Variants in GTF2I observed in about 807,000 individuals in gnomAD.
GTF2I encodes the protein general transcription factor II-I.
In GTF2I, 12 loss-of-function variants were observed where a neutral mutation model predicts 67.6. The ratio of observed to expected loss-of-function variants is 0.18; its 90% CI spans 0.11 to 0.29. The LOEUF (loss-of-function observed/expected upper bound fraction) is 0.29, where lower values mean the gene tolerates loss of function less well. Ranked by LOEUF, GTF2I falls within the 10% of genes least tolerant of loss-of-function variation. GTF2I has a pLI of 1.00. For missense variants in GTF2I, 271 were observed against 580.1 expected (o/e 0.47, Z 5.47); for synonymous variants, 149 against 197.0 (o/e 0.76, Z 2.04).
chr7:74,673,140 C>G (rs931646546), intron 1 of GTF2I, among the ~76,000 whole-genome samples: 2 of 151,916 alleles, frequency 1.3e-5, no homozygotes, highest in Non-Finnish European at 2.9e-5. Flanking sequence ...GATTACAGGC[C>G]TGAGCCACTG....
At chr7:74,679,896 C>T (rs1057193016) in intron 1 of GTF2I, among the ~76,000 whole-genome samples, 8 of 151,608 alleles carry the variant, frequency 5.3e-5, no homozygotes, top group East Asian at 1.9e-4. Flanking sequence ...GCCTGGCCAA[C>T]GTGGTGAAAC....
At chr7:74,697,809 G>A (rs1432119526) in intron 3 of GTF2I, among the ~76,000 whole-genome samples, 5 of 151,540 alleles carry the variant, frequency 3.3e-5, no homozygotes, top group East Asian at 3.9e-4. Context: ...TTGCTCTGTC[G>A]CCAGGCTGGA....
At chr7:74,660,626 T>C (rs587649337) in intron 1 of GTF2I, among the ~76,000 whole-genome samples, 9 of 148,372 alleles carry the variant, frequency 6.1e-5, no homozygotes, top group South Asian at 2.1e-4. Flanking sequence ...CTTTTCTTTT[T>C]TTTTTTTTTT....
At chr7:74,684,392 G>C (rs1036937559) in intron 1 of GTF2I, among the ~76,000 whole-genome samples, 4 of 152,202 alleles carry the variant, frequency 2.6e-5, no homozygotes. Flanking sequence ...CTCTCTAGGC[G>C]TTTGGTCCTG....
At chr7:74,694,921 A>G (rs587763014) in intron 3 of GTF2I, among the ~76,000 whole-genome samples, 108 of 152,266 alleles carry the variant, frequency 7.1e-4, no homozygotes, top group African/African-American at 2.5e-3. Flanking sequence ...GAGTTACACT[A>G]AATCTGCTCT....
intron 4 of GTF2I, 87 bp from the exon 5 acceptor site, chr7:74,700,160 C>A: frequency 3.0e-6 from 4 of 1,312,840 alleles, no homozygotes; most frequent in East Asian, 2.3e-5. Context: ...ATCATGGATG[C>A]CCTTATTAAG....
intron 1 of GTF2I, among the ~76,000 whole-genome samples, chr7:74,661,272 C>T (rs1804464809): frequency 6.6e-6 from 1 of 152,320 alleles, no homozygotes; most frequent in South Asian, 2.1e-4. Context: ...TCGATTAGCT[C>T]CCCAGGTGGT....
intron 3 of GTF2I, among the ~76,000 whole-genome samples, chr7:74,696,067 C>T (rs587624845): frequency 1.3e-5 from 2 of 151,964 alleles, no homozygotes; most frequent in South Asian, 2.1e-4. Flanking sequence ...TCTTGGCTCA[C>T]TGCAACCTCA....
intron 1 of GTF2I, among the ~76,000 whole-genome samples, chr7:74,676,765 C>G (rs1424303494): frequency 1.3e-5 from 2 of 151,674 alleles, no homozygotes; most frequent in Non-Finnish European, 2.9e-5. Flanking sequence ...TATTAAATAC[C>G]AACAATTTGG....
chr7:74,660,726 A>G lies in GTF2I; in HGVS notation c.-6+2658A>G, dbSNP rs1252013378. Among the ~76,000 whole-genome samples the G allele has an allele frequency of 2.7e-5, 4 of 147,100 alleles. No homozygotes were observed. In the East Asian group the frequency reaches 6.1e-4, roughly 22 times the overall value. On this transcript the variant is annotated intron_variant, in intron 1 of 34. Coordinates refer to ENST00000573035, the MANE Select transcript of GTF2I (RefSeq NM_032999.4). Reference sequence around the variant, plus strand: ...AACCTCCGCCTCCCGGGTTCAAGCGATTCTCCTGCTTCAGACTCCTGAGTA... The same window carrying G: ...AACCTCCGCCTCCCGGGTTCAAGCGGTTCTCCTGCTTCAGACTCCTGAGTA...
chr7:74,689,620 C>T (rs1554396428), intron 2 of GTF2I, among the ~76,000 whole-genome samples: 1 of 152,020 alleles, frequency 6.6e-6, no homozygotes, highest in African/African-American at 2.4e-5. Context: ...GCCCAAAGTG[C>T]TGGGATTACA....
Position 74,699,103 on chromosome 7 carries a change from C to A in GTF2I, c.373+8C>A. The A allele has an allele frequency of 1.4e-6, 2 of 1,447,206 alleles. No homozygotes were observed. Among genetic ancestry groups the A allele is most frequent in the East Asian group, 2.5e-5 (1 of 40,434 alleles). The allele number at this position is 1,447,206 out of a possible 1,614,324, so 89.6% of individuals were successfully genotyped here. ...ATTTCTGCTTTTGCTATGGTAAAAA[C>A]AATAGATTTAATTTTTCTAAAAGAT... On this transcript the variant is annotated splice_region_variant and intron_variant, in intron 4 of 34. Transcript: ENST00000573035.
At chr7:74,701,316 CAT>C (rs1554399824) in intron 6 of GTF2I, among the ~76,000 whole-genome samples, 1 of 152,112 alleles carries the variant, frequency 6.6e-6, no homozygotes, top group South Asian at 2.1e-4. Context: ...TACTTTTAAA[CAT>C]GTAACTATGA....
At chr7:74,711,419 C>G (rs1039481831) in intron 9 of GTF2I, among the ~76,000 whole-genome samples, 1 of 152,162 alleles carries the variant, frequency 6.6e-6, no homozygotes, top group Admixed American at 6.5e-5. Context: ...TAGGCAAATG[C>G]AGATAATGTC....
chr7:74,669,720 A>T (rs1309334483), intron 1 of GTF2I, among the ~76,000 whole-genome samples: 1 of 151,762 alleles, frequency 6.6e-6, no homozygotes, highest in Non-Finnish European at 1.5e-5. Context: ...ATTAGTAGAG[A>T]CGGGGTTTCA....
At chr7:74,722,332 C>G (rs1793126885) in intron 12 of GTF2I, among the ~76,000 whole-genome samples, 1 of 152,108 alleles carries the variant, frequency 6.6e-6, no homozygotes, top group Non-Finnish European at 1.5e-5. Flanking sequence ...ACTAATAGGA[C>G]CGCATGCCTC....
intron 1 of GTF2I, among the ~76,000 whole-genome samples, chr7:74,667,981 G>A (rs187528630): frequency 9.6e-4 from 146 of 151,508 alleles, no homozygotes; most frequent in Middle Eastern, 3.4e-3. Flanking sequence ...CTACAGGTGC[G>A]CACCACCACG....
At chr7:74,723,484 A>T (rs1562976339) in intron 12 of GTF2I, among the ~76,000 whole-genome samples, 1 of 124,136 alleles carries the variant, frequency 8.1e-6, no homozygotes, top group South Asian at 2.7e-4. Context: ...AGGCTGGAGT[A>T]CAGTGACCTG....
intron 1 of GTF2I, among the ~76,000 whole-genome samples, chr7:74,683,862 GA>G (rs797029028): frequency 5.4e-5 from 8 of 147,356 alleles, no homozygotes; most frequent in Non-Finnish European, 1.1e-4. Flanking sequence ...CCCCACCAAA[GA>G]AAAAAAAAAC....
Sources: gnomAD v4.1 joint callset for allele counts (sites outside exome capture counted in the v4.1 genomes callset) on GRCh38, gnomAD v4.1.1 for gene constraint, MANE v1.5 for transcripts, NCBI Gene and HGNC (gene_info 2026-07-23, HGNC 2026-07-21) for gene names.